Variants in PRR16 observed in about 807,000 individuals in gnomAD.
PRR16 encodes the protein proline rich 16, also known as protein Largen.
PRR16 carries 6 observed loss-of-function variants against 18.2 expected under a neutral mutation model. The observed-to-expected ratio is 0.33, with a 90% CI of 0.18 to 0.65. PRR16 has a LOEUF of 0.65. Among genes scored for constraint, PRR16 ranks in the 30% least tolerant of loss-of-function variants. The pLI is 0.74. For missense variants in PRR16, 412 were observed against 376.6 expected (o/e 1.09, Z -0.78); for synonymous variants, 151 against 147.8 (o/e 1.02, Z -0.16).
At chr5:120,557,689 T>A (rs973780592) in intron 1 of PRR16, among the ~76,000 whole-genome samples, 1 of 151,918 alleles carries the variant, frequency 6.6e-6, no homozygotes, top group African/African-American at 2.4e-5. Flanking sequence ...GGTCTCTTTT[T>A]ATTCTTAACT....
chr5:120,780,937 C>A, the PRR16 span, among the ~76,000 whole-genome samples: 1 of 152,090 alleles, frequency 6.6e-6, no homozygotes, highest in Non-Finnish European at 1.5e-5. Flanking sequence ...GTAATCCCAG[C>A]TACTTGGGAG....
chr5:120,779,269 A>C, the PRR16 span, among the ~76,000 whole-genome samples: 1 of 152,214 alleles, frequency 6.6e-6, no homozygotes, highest in Non-Finnish European at 1.5e-5. Flanking sequence ...GAGGAGCAGG[A>C]AAACAGGGAT....
chr5:120,706,894 T>C, the PRR16 span, among the ~76,000 whole-genome samples: 1 of 152,286 alleles, frequency 6.6e-6, no homozygotes, highest in African/African-American at 2.4e-5. Flanking sequence ...TCATCTGTGT[T>C]TGCTAATTAC....
intron 1 of PRR16, among the ~76,000 whole-genome samples, chr5:120,503,590 C>G (rs1272857533): frequency 1.3e-5 from 2 of 152,084 alleles, no homozygotes; most frequent in African/African-American, 4.8e-5. Context: ...AGGAGTTACA[C>G]TTCTTTAGGG....
intron 1 of PRR16, among the ~76,000 whole-genome samples, chr5:120,635,941 A>T (rs1900888): frequency 0.059 from 9,039 of 152,218 alleles, 330 homozygotes; most frequent in Middle Eastern, 0.22. Context: ...CAAAATAAAT[A>T]TACAAAAATT....
intron 1 of PRR16, among the ~76,000 whole-genome samples, chr5:120,566,640 G>A (rs1752747487): frequency 6.6e-6 from 1 of 152,138 alleles, no homozygotes; most frequent in South Asian, 2.1e-4. Flanking sequence ...GGGAGAAACG[G>A]AAACACTTCT....
chr5:120,740,401 C>T, the PRR16 span, among the ~76,000 whole-genome samples: 1 of 152,104 alleles, frequency 6.6e-6, no homozygotes, highest in African/African-American at 2.4e-5. Context: ...CCATGTGAAA[C>T]TTATAAATAA....
the PRR16 span, among the ~76,000 whole-genome samples, chr5:120,730,106 A>G: frequency 6.6e-6 from 1 of 152,174 alleles, no homozygotes; most frequent in Non-Finnish European, 1.5e-5. Flanking sequence ...GCTTTTCTGT[A>G]TGCTTCGTTT....
the PRR16 span, among the ~76,000 whole-genome samples, chr5:120,727,710 A>G: frequency 3.3e-5 from 5 of 152,138 alleles, no homozygotes; most frequent in East Asian, 1.9e-4. Flanking sequence ...AAGACTGTAG[A>G]TATTTATGTT....
At chr5:120,784,830 C>G in the PRR16 span, among the ~76,000 whole-genome samples, 1 of 152,154 alleles carries the variant, frequency 6.6e-6, no homozygotes, top group African/African-American at 2.4e-5. Context: ...TCAAAATTCT[C>G]TCTTCTCTTA....
intron 1 of PRR16, among the ~76,000 whole-genome samples, chr5:120,533,440 T>C (rs1751615547): frequency 6.6e-6 from 1 of 152,122 alleles, no homozygotes; most frequent in African/African-American, 2.4e-5. Context: ...TGATAAGTAC[T>C]GTGAAAAAAG....
At chr5:120,496,276 T>A (rs1039186995) in intron 1 of PRR16, among the ~76,000 whole-genome samples, 1 of 151,674 alleles carries the variant, frequency 6.6e-6, no homozygotes, top group African/African-American at 2.4e-5. Flanking sequence ...TTGTATAAAA[T>A]TTGTAGTAAT....
chr5:120,782,191 A>G, the PRR16 span, among the ~76,000 whole-genome samples: 4 of 152,172 alleles, frequency 2.6e-5, no homozygotes, highest in South Asian at 4.1e-4. Context: ...AGTGGGACAG[A>G]TTAAACCATC....
intron 1 of PRR16, among the ~76,000 whole-genome samples, chr5:120,561,882 C>T (rs1752585765): frequency 6.6e-6 from 1 of 152,180 alleles, no homozygotes. Flanking sequence ...ATTGTGAGGC[C>T]TCCCTAGCCA....
At chr5:120,620,993 A>G (rs570420989) in intron 1 of PRR16, among the ~76,000 whole-genome samples, 20 of 152,272 alleles carry the variant, frequency 1.3e-4, no homozygotes, top group African/African-American at 4.8e-4. Context: ...TCTCTATGTC[A>G]GTAAATCACT....
intron 1 of PRR16, among the ~76,000 whole-genome samples, chr5:120,487,400 T>C (rs1367135489): frequency 1.3e-5 from 2 of 152,212 alleles, no homozygotes; most frequent in African/African-American, 4.8e-5. Flanking sequence ...TTTTATTCTC[T>C]TTGAAGCAAT....
intron 1 of PRR16, among the ~76,000 whole-genome samples, chr5:120,599,563 G>GT (rs1753916290): frequency 6.6e-6 from 1 of 151,840 alleles, no homozygotes; most frequent in Non-Finnish European, 1.5e-5. Context: ...TTATTTTCAA[G>GT]TTTTTGTCAC....
At chr5:120,464,820 T>C (rs1031343219) in intron 1 of PRR16, among the ~76,000 whole-genome samples, 175 bp downstream of exon 1, 7 of 152,088 alleles carry the variant, frequency 4.6e-5, no homozygotes, top group Non-Finnish European at 7.4e-5. Context: ...TTGTTGCACT[T>C]TTTAATTTTT....
chr5:120,556,373 C>G (rs148448864), intron 1 of PRR16, among the ~76,000 whole-genome samples: 2 of 151,012 alleles, frequency 1.3e-5, no homozygotes, highest in East Asian at 3.9e-4. Context: ...CTTGCTCATA[C>G]TAACCAGGAG....
Sources: gnomAD v4.1 joint callset for allele counts (sites outside exome capture counted in the v4.1 genomes callset) on GRCh38, gnomAD v4.1.1 for gene constraint, MANE v1.5 for transcripts, NCBI Gene and HGNC (gene_info 2026-07-23, HGNC 2026-07-21) for gene names.